The following RORA variants were observed in gnomAD, a reference collection of about 807,000 sequenced individuals.
The protein encoded by RORA is RAR related orphan receptor A, also known as nuclear receptor ROR-alpha.
A neutral mutation model predicts 69.5 loss-of-function variants in RORA; 7 were observed. The observed-to-expected ratio is 0.10, with a 90% confidence interval of 0.06 to 0.19. The LOEUF (loss-of-function observed/expected upper bound fraction) is 0.19. RORA is among the 10% of genes least tolerant of loss of function. RORA has a pLI of 1.00. For synonymous variants in RORA, 261 were observed against 240.8 expected, an observed-to-expected ratio of 1.08 and a Z score of -0.78; for missense variants, 457 against 663.0, an observed-to-expected ratio of 0.69 and a Z score of 3.41.
chr15:61,145,635 A>G (rs2079339000), intron 1 of RORA, among the ~76,000 whole-genome samples: 1 of 152,182 alleles, frequency 6.6e-6, no homozygotes, highest in Non-Finnish European at 1.5e-5. Context: ...TAGTCCTAAA[A>G]TGCCTGTCTT....
Position 60,975,135 on chromosome 15 carries a change from G to C in RORA, c.166+253918C>G, listed in dbSNP as rs572744797. Among the ~76,000 whole-genome samples the C allele has an allele frequency of 3.3e-4, 51 of 152,330 alleles. No individual in the cohort carries two copies. The South Asian group carries it at 4.3e-3, about 13-fold the overall frequency. On this transcript the variant is annotated intron_variant, in intron 1 of 10. Coordinates refer to ENST00000335670, the MANE Select transcript of RORA (RefSeq NM_134261.3). ...CGTCTTAAAAAGATAACTGTGGAGA[G>C]AGTCAAGGGCGGAAGGGGCCTGGGC...
chr15:61,043,256 G>A (rs997698848), intron 1 of RORA, among the ~76,000 whole-genome samples: 9 of 152,132 alleles, frequency 5.9e-5, no homozygotes, highest in African/African-American at 2.2e-4. Context: ...TAACCCACAG[G>A]GCCTGGACAT....
chr15:61,189,173 T>C lies in RORA; in HGVS notation c.166+39880A>G, dbSNP rs556622668. Among the ~76,000 whole-genome samples the C allele has an allele frequency of 2.0e-5, 3 of 152,364 alleles. No homozygotes were observed. The East Asian group carries it at 5.8e-4, about 29-fold the overall frequency. Reference sequence around the variant, plus strand: ...GTCTTCTTCATCTTTGACCCCTTAGTGTTTAACACAGTCCTTAAATGTCCC... The same window carrying C: ...GTCTTCTTCATCTTTGACCCCTTAGCGTTTAACACAGTCCTTAAATGTCCC... On this transcript the variant is annotated intron_variant, in intron 1 of 10. Transcript: ENST00000335670.
At chr15:60,513,425 C>T (rs1354434636) in intron 4 of RORA, among the ~76,000 whole-genome samples, 1 of 152,212 alleles carries the variant, frequency 6.6e-6, no homozygotes, top group African/African-American at 2.4e-5. Context: ...TCTGCTGTGA[C>T]TCCGCAATTA....
chr15:60,754,663 T>A (rs1442113982), intron 1 of RORA, among the ~76,000 whole-genome samples: 2 of 152,178 alleles, frequency 1.3e-5, no homozygotes, highest in African/African-American at 4.8e-5. Flanking sequence ...AACATTGACA[T>A]CCACCTCCTC....
At chr15:61,046,144 T>G (rs1897009831) in intron 1 of RORA, among the ~76,000 whole-genome samples, 1 of 152,002 alleles carries the variant, frequency 6.6e-6, no homozygotes. Context: ...AGAAGCTACA[T>G]GTGTGCATGG....
intron 1 of RORA, among the ~76,000 whole-genome samples, chr15:60,963,763 T>G (rs1232440671): frequency 1.3e-5 from 2 of 152,220 alleles, no homozygotes; most frequent in Non-Finnish European, 2.9e-5. Context: ...CAGGAGACTC[T>G]GGCAGACAGG....
At chr15:60,499,850 G>A in intron 10 of RORA, 42 bp downstream of exon 10, 2 of 1,088,432 alleles carry the variant, frequency 1.8e-6, no homozygotes, top group East Asian at 5.0e-5. Context: ...TTGTGCCAGG[G>A]GATAGTTCAG....
At chr15:61,088,321 T>C (rs566067498) in intron 1 of RORA, among the ~76,000 whole-genome samples, 14 of 152,196 alleles carry the variant, frequency 9.2e-5, no homozygotes, top group Admixed American at 2.0e-4. Flanking sequence ...AGTGTGTGCA[T>C]GTGTGTGTCT....
At chr15:60,592,251 C>T in intron 2 of RORA, 1 of 528,280 alleles carries the variant, frequency 1.9e-6, no homozygotes, top group Admixed American at 4.9e-5. Context: ...CCAGAAGGCC[C>T]TGGCAGGGCC....
chr15:60,869,614 A>G (rs1273565337), intron 1 of RORA, among the ~76,000 whole-genome samples: 2 of 152,242 alleles, frequency 1.3e-5, no homozygotes, highest in Non-Finnish European at 2.9e-5. Context: ...GGCTGGTCAC[A>G]TAACAGGTAT....
intron 1 of RORA, among the ~76,000 whole-genome samples, chr15:61,102,717 A>T (rs1214627370): frequency 6.6e-6 from 1 of 152,162 alleles, no homozygotes; most frequent in Non-Finnish European, 1.5e-5. Flanking sequence ...TTTTCCAGGG[A>T]TGCCTCCTAC....
intron 2 of RORA, among the ~76,000 whole-genome samples, chr15:60,645,517 G>A (rs577782849): frequency 6.7e-6 from 1 of 149,398 alleles, no homozygotes; most frequent in South Asian, 2.1e-4. Context: ...TCTGCCTCCT[G>A]AATAGCTGGG....
At chr15:61,199,988 A>C (rs1420700431) in intron 1 of RORA, among the ~76,000 whole-genome samples, 1 of 152,162 alleles carries the variant, frequency 6.6e-6, no homozygotes, top group Non-Finnish European at 1.5e-5. Flanking sequence ...CTTCTCCAAG[A>C]CCTTGTTTTG....
chr15:60,571,164 G>T lies in RORA; in HGVS notation c.197-39313C>A, dbSNP rs557877138. Among the ~76,000 whole-genome samples the T allele has an allele frequency of 7.3e-5, 11 of 151,384 alleles. No homozygotes were observed. In the South Asian group the frequency reaches 2.3e-3, roughly 32 times the overall value. On this transcript the variant is annotated intron_variant, in intron 2 of 10. Coordinates refer to ENST00000335670, the MANE Select transcript of RORA (RefSeq NM_134261.3). ...TGTTCTTGCTATTTTTTTTTTCCCG[G>T]GGAGTGTAGTAATTTCGATGTGCCT...
intron 2 of RORA, among the ~76,000 whole-genome samples, chr15:60,561,061 T>G (rs1199395823): frequency 6.4e-5 from 9 of 140,466 alleles, no homozygotes; most frequent in Non-Finnish European, 1.2e-4. Flanking sequence ...CTTGTGTTTT[T>G]TTTTTTTTTG....
intron 1 of RORA, among the ~76,000 whole-genome samples, chr15:60,945,175 CCT>C (rs1225235600): frequency 6.6e-6 from 1 of 152,172 alleles, no homozygotes; most frequent in Non-Finnish European, 1.5e-5. Context: ...CCCTCCCCAC[CCT>C]CTCTCTGAAA....
In RORA at chr15:60,542,643, G is replaced by GGC. The variant is rs1567073483; in HGVS notation, c.197-10793_197-10792insGC. Among the ~76,000 whole-genome samples the GGC allele has an allele frequency of 4.5e-4, 42 of 93,320 alleles. 3 individuals carry two copies. Among genetic ancestry groups the GGC allele is most frequent in the African/African-American group, 2.5e-3 (41 of 16,094 alleles). The allele number at this position is 93,320 out of a possible 152,430, so 61.2% of individuals were successfully genotyped here. The stretch of plus-strand genomic sequence containing the variant: ...CGGCACACATGCACACCTCACACAC[G>GGC]ACACACGGGCACACCTCACACACAT... On this transcript the variant is annotated intron_variant, in intron 2 of 10. Coordinates refer to ENST00000335670, the MANE Select transcript of RORA (RefSeq NM_134261.3).
chr15:60,947,301 G>A lies in RORA; in HGVS notation c.167-268615C>T, dbSNP rs563067639. Among the ~76,000 whole-genome samples, 1,400 of 152,134 alleles carry A rather than the reference G, an allele frequency of 9.2e-3. 8 individuals are homozygous for A. Among genetic ancestry groups the A allele is most frequent in the Non-Finnish European group, 0.014 (934 of 68,040 alleles). On this transcript the variant is annotated intron_variant, in intron 1 of 10. Coordinates refer to ENST00000335670, the MANE Select transcript of RORA (RefSeq NM_134261.3). ...GAGAAATCAGATTGTTGCTGTGTCT[G>A]TGTGGAAAGAGGTAGACATAGGAGA...
Sources: gnomAD v4.1 joint callset for allele counts (sites outside exome capture counted in the v4.1 genomes callset) on GRCh38, gnomAD v4.1.1 for gene constraint, MANE v1.5 for transcripts, NCBI Gene and HGNC (gene_info 2026-07-23, HGNC 2026-07-21) for gene names.